HS6ST1: variants seen among roughly 807,000 people sequenced by gnomAD.
HS6ST1 encodes heparan sulfate 6-O-sulfotransferase 1.
A neutral mutation model predicts 25.2 loss-of-function variants in HS6ST1; 3 were observed. The ratio of observed to expected loss-of-function variants is 0.12; its 90% confidence interval spans 0.05 to 0.31. HS6ST1 has a LOEUF of 0.31. Ranked by LOEUF, HS6ST1 falls within the 10% of genes least tolerant of loss-of-function variation. The pLI, the probability that HS6ST1 is intolerant of heterozygous loss-of-function variation, is 1.00. For synonymous variants in HS6ST1, 204 were observed against 275.1 expected, an observed-to-expected ratio of 0.74 and a Z score of 2.56; for missense variants, 310 against 609.6, an observed-to-expected ratio of 0.51 and a Z score of 5.18.
intron 1 of HS6ST1, among the ~76,000 whole-genome samples, chr2:128,269,463 T>C (rs1295422928): frequency 6.6e-6 from 1 of 151,968 alleles, no homozygotes; most frequent in Non-Finnish European, 1.5e-5. Context: ...TATGTAACGG[T>C]GCGTGCACAA....
intron 1 of HS6ST1, among the ~76,000 whole-genome samples, chr2:128,293,949 C>T (rs1019870544): frequency 9.2e-5 from 14 of 152,180 alleles, no homozygotes; most frequent in Non-Finnish European, 1.0e-4. Flanking sequence ...GCAATGGTTT[C>T]ACCACAGGTT....
chr2:128,303,939 CA>C (rs1346984313), intron 1 of HS6ST1, among the ~76,000 whole-genome samples: 5 of 152,208 alleles, frequency 3.3e-5, no homozygotes, highest in African/African-American at 1.2e-4. Context: ...CCGCACGCCT[CA>C]ACAGAACAGG....
chr2:128,272,151 A>G (rs1484849168), intron 1 of HS6ST1, among the ~76,000 whole-genome samples: 1 of 152,162 alleles, frequency 6.6e-6, no homozygotes, highest in Non-Finnish European at 1.5e-5. Flanking sequence ...TGCAAAGCTC[A>G]GGGCCTCTGC....
chr2:128,312,631 G>A (rs1694308574), intron 1 of HS6ST1, among the ~76,000 whole-genome samples: 1 of 152,184 alleles, frequency 6.6e-6, no homozygotes. Context: ...GGCGACATGT[G>A]GGTGACTGGG....
chr2:128,318,462 C>G lies in HS6ST1; in HGVS notation c.102G>C (p.Gln34His). The G allele has an allele frequency of 1.3e-6, 2 of 1,582,090 alleles. No individual in the cohort carries two copies. The highest frequency in any genetic ancestry group is 1.7e-6 in the Non-Finnish European group (2 of 1,167,444). Residue 34 changes from glutamine to histidine, a missense_variant, in exon 1 of 2, where the codon CAG becomes CAC. Physicochemically the swap from Gln to His is conservative, Grantham distance 24. Around this residue, in one of 5 missense-constraint regions of HS6ST1, gnomAD observed 63 missense variants for 105.4 expected, o/e 0.60. Transcript: ENST00000259241. The surrounding 1 kb of genome is among the most constrained non-coding windows in gnomAD (Gnocchi z 5.7). ...GSVCFMLILYQYAGPGLSLGA... is the reference protein window; with the variant it reads ...GSVCFMLILYHYAGPGLSLGA... ...CCAGGCTCAGTCCTGGGCCCGCGTA[C>G]TGGTACAAGATGAGCATGAAGCACA... is the stretch of plus-strand genomic sequence containing the variant.
chr2:128,276,016 G>A (rs1693689336), intron 1 of HS6ST1, among the ~76,000 whole-genome samples: 1 of 152,228 alleles, frequency 6.6e-6, no homozygotes, highest in Non-Finnish European at 1.5e-5. Flanking sequence ...GAAAGGTGAC[G>A]AAGAAGGCAC....
chr2:128,271,500 C>T (rs796326458), intron 1 of HS6ST1, among the ~76,000 whole-genome samples: 94 of 152,336 alleles, frequency 6.2e-4, no homozygotes, highest in African/African-American at 2.3e-3. Flanking sequence ...TGTTCCTGGA[C>T]AAGGGCCCTG....
At chr2:128,291,868 C>T (rs1338653508) in intron 1 of HS6ST1, among the ~76,000 whole-genome samples, 1 of 152,244 alleles carries the variant, frequency 6.6e-6, no homozygotes, top group Admixed American at 6.5e-5. Context: ...CATACACAGG[C>T]TTCCCTATAG....
intron 1 of HS6ST1, among the ~76,000 whole-genome samples, chr2:128,298,648 G>C (rs1447867719): frequency 6.6e-6 from 1 of 152,186 alleles, no homozygotes; most frequent in African/African-American, 2.4e-5. Context: ...GGCGTGAGAG[G>C]CTGGAGGGAG....
At chr2:128,309,949 G>A (rs1418591567) in intron 1 of HS6ST1, among the ~76,000 whole-genome samples, 2 of 152,212 alleles carry the variant, frequency 1.3e-5, no homozygotes, top group Non-Finnish European at 2.9e-5. Flanking sequence ...CGGTCACCAC[G>A]GTCACAGTTA....
At chr2:128,299,898 C>T (rs1273547837) in intron 1 of HS6ST1, among the ~76,000 whole-genome samples, 2 of 152,184 alleles carry the variant, frequency 1.3e-5, no homozygotes, top group Non-Finnish European at 2.9e-5. Flanking sequence ...CAGCTTGTGG[C>T]AGCACAAACA....
chr2:128,299,487 G>A (rs939077155), intron 1 of HS6ST1, among the ~76,000 whole-genome samples: 2 of 152,202 alleles, frequency 1.3e-5, no homozygotes, highest in Admixed American at 6.5e-5. Context: ...CTATCCTCCA[G>A]ACCCCTACGC....
chr2:128,289,411 C>A (rs1223883435), intron 1 of HS6ST1, among the ~76,000 whole-genome samples: 25 of 152,234 alleles, frequency 1.6e-4, no homozygotes, highest in Admixed American at 1.6e-3. Context: ...TTAGATCCCC[C>A]TGCAGATGGG....
intron 1 of HS6ST1, among the ~76,000 whole-genome samples, chr2:128,290,539 A>G (rs1693935463): frequency 6.6e-6 from 1 of 152,228 alleles, no homozygotes; most frequent in South Asian, 2.1e-4. Context: ...AACCCCAGGT[A>G]TGCAAGGATG....
Position 128,268,426 on chromosome 2 carries a change from C to G in HS6ST1, c.972G>C (p.Ala324=), listed in dbSNP as rs201320658. 2.5e-6 allele frequency: 4 copies of G among 1,613,644 alleles called. No homozygotes were observed. The highest frequency in any genetic ancestry group is 2.5e-6 in the Non-Finnish European group (3 of 1,179,864). The change falls in exon 2 of 2, where the codon GCG becomes GCC. Residue 324 remains alanine, a synonymous_variant. Coordinates refer to ENST00000259241, the MANE Select transcript of HS6ST1 (RefSeq NM_004807.3). Reference sequence around the variant, plus strand: ...TGTCTTCATCCACCTCCACGCCGCCCGCCCGCGTGCTATTGTACTGCATGA... The same window carrying G: ...TGTCTTCATCCACCTCCACGCCGCCGGCCCGCGTGCTATTGTACTGCATGA... ...RPFMQYNSTR[A]GGVEVDEDTI... is the part of the protein sequence containing the mutation.
intron 1 of HS6ST1, among the ~76,000 whole-genome samples, chr2:128,273,697 C>T (rs1035094465): frequency 6.6e-6 from 1 of 152,282 alleles, no homozygotes; most frequent in Non-Finnish European, 1.5e-5. Context: ...CTTGCCCTGT[C>T]CCACCTCCTG....
At chr2:128,312,793 C>T (rs142466635) in intron 1 of HS6ST1, among the ~76,000 whole-genome samples, 1 of 152,310 alleles carries the variant, frequency 6.6e-6, no homozygotes, top group African/African-American at 2.4e-5. Context: ...GGTGCGGTGG[C>T]TCACACCTGT....
chr2:128,301,345 T>C (rs1037076617), intron 1 of HS6ST1, among the ~76,000 whole-genome samples: 1 of 152,006 alleles, frequency 6.6e-6, no homozygotes, highest in African/African-American at 2.4e-5. Flanking sequence ...CAGGCAGGGG[T>C]TCCCAGGGGC....
chr2:128,276,757 G>A (rs900080929), intron 1 of HS6ST1, among the ~76,000 whole-genome samples: 12 of 151,988 alleles, frequency 7.9e-5, no homozygotes, highest in African/African-American at 2.9e-4. Flanking sequence ...CAGAGCCTCC[G>A]TCCCCAGAGC....
Sources: allele counts gnomAD v4.1 joint callset (sites outside exome capture counted in the v4.1 genomes callset), GRCh38; gene constraint gnomAD v4.1.1; regional missense constraint gnomAD v4.1.1; non-coding constraint Gnocchi (gnomAD v3.1); transcripts MANE v1.5; gene names NCBI Gene and HGNC (gene_info 2026-07-23, HGNC 2026-07-21).